The following IFT80 variants were observed in gnomAD, a reference collection of about 807,000 sequenced individuals.
IFT80 encodes intraflagellar transport 80.
In IFT80, 79 loss-of-function variants were observed where a neutral mutation model predicts 107.9. That is an observed-to-expected ratio of 0.73 (90% CI 0.61 to 0.88). The LOEUF (loss-of-function observed/expected upper bound fraction) is 0.88, where lower values mean the gene tolerates loss of function less well. IFT80 is among the 40% of genes least tolerant of loss of function. IFT80 has a pLI of 0.00. For synonymous variants in IFT80, 299 were observed against 300.9 expected (o/e 0.99, Z 0.07); for missense variants, 797 against 914.2 (o/e 0.87, Z 1.65).
At chr3:160,262,076 T>C (rs1712889186) in intron 19 of IFT80, among the ~76,000 whole-genome samples, 1 of 152,108 alleles carries the variant, frequency 6.6e-6, no homozygotes, top group Non-Finnish European at 1.5e-5. Context: ...AGAAATATAA[T>C]TTCTCCTCAA....
At chr3:160,279,111 A>G (rs1330698976) in intron 16 of IFT80, 82 bp downstream of exon 16, 6 of 1,126,630 alleles carry the variant, frequency 5.3e-6, no homozygotes, top group Non-Finnish European at 6.6e-6. Context: ...CCAGCCTTTA[A>G]GCCTATTATC....
chr3:160,316,596 C>T (rs1717840035), intron 9 of IFT80, among the ~76,000 whole-genome samples: 1 of 152,112 alleles, frequency 6.6e-6, no homozygotes, highest in Non-Finnish European at 1.5e-5. Flanking sequence ...TTTGTCTGCC[C>T]AGAATCAACT....
At chr3:160,289,631 A>T (rs1162439391) in intron 12 of IFT80, among the ~76,000 whole-genome samples, 1 of 152,234 alleles carries the variant, frequency 6.6e-6, no homozygotes, top group Non-Finnish European at 1.5e-5. Context: ...TAGTGCCCCA[A>T]CATTTAAGAG....
intron 12 of IFT80, chr3:160,299,271 A>T: frequency 8.6e-7 from 1 of 1,164,478 alleles, no homozygotes. Context: ...CTCTCAGAGA[A>T]GGCCTAAATG....
chr3:160,350,812 T>C (rs916992688), intron 8 of IFT80, among the ~76,000 whole-genome samples: 6 of 151,124 alleles, frequency 4.0e-5, no homozygotes, highest in African/African-American at 1.5e-4. Context: ...AGGCTCCGTT[T>C]CAAAAAAAAA....
intron 1 of IFT80, among the ~76,000 whole-genome samples, chr3:160,394,944 C>T (rs1713665518): frequency 6.6e-6 from 1 of 152,112 alleles, no homozygotes. Flanking sequence ...ATGCAAGACA[C>T]TTAATAATGG....
At chr3:160,274,907 G>A (rs1714126236) in intron 18 of IFT80, among the ~76,000 whole-genome samples, 2 of 152,184 alleles carry the variant, frequency 1.3e-5, no homozygotes, top group South Asian at 2.1e-4. Context: ...ATGACAGAGC[G>A]AGACTCCGTC....
At chr3:160,349,844 T>C (rs1720550899) in intron 8 of IFT80, among the ~76,000 whole-genome samples, 2 of 152,158 alleles carry the variant, frequency 1.3e-5, no homozygotes, top group Non-Finnish European at 2.9e-5. Context: ...TGGGTCAACT[T>C]ACTCTAAGCT....
intron 8 of IFT80, among the ~76,000 whole-genome samples, chr3:160,338,737 T>C (rs1288404984): frequency 1.3e-5 from 2 of 152,152 alleles, no homozygotes; most frequent in African/African-American, 4.8e-5. Flanking sequence ...ATCTGGACCT[T>C]ACTGACCACT....
Position 160,355,630 on chromosome 3 carries a change from T to C in IFT80, c.777+383A>G, listed in dbSNP as rs548594463. 1.3e-4 allele frequency among the ~76,000 whole-genome samples: 19 copies of C among 151,942 alleles called. No individual in the cohort carries two copies. The Middle Eastern group carries it at 0.01, about 82-fold the overall frequency. On this transcript the variant is annotated intron_variant, in intron 8 of 19. Coordinates refer to ENST00000326448, the MANE Select transcript of IFT80 (RefSeq NM_020800.3). ...CAAAATATGCAATCGAGATTTCGTA[T>C]GAAACATATTGACAGCAAAAAAAAA... is the stretch of plus-strand genomic sequence containing the variant.
At position 160,357,497 on chromosome 3, in the gene IFT80, TAC is replaced by T. The variant is rs1307708371; in HGVS notation, c.629_630del (p.Cys210Ter). ...ATCTAAACATTATATACCTTATATT[TAC>T]AGTCTTCACCAGCAGATAAAATAAG... Reference protein sequence around the residue: ...NDLILSAGEDCKYKVWDSYGR... With the variant: ...NDLILSAGEDXKYKVWDSYGR... On this transcript the variant is annotated frameshift_variant, in exon 7 of 20. Transcript: ENST00000326448. LOFTEE classifies it high-confidence loss of function. 2.0e-6 allele frequency: 3 copies of T among 1,514,304 alleles called. No individual in the cohort carries two copies. The highest frequency in any genetic ancestry group is 2.8e-6 in the Non-Finnish European group (3 of 1,090,304). The allele number at this position is 1,514,304 out of a possible 1,614,324, so 93.8% of individuals were successfully genotyped here.
At position 160,280,852 on chromosome 3, in the gene IFT80, A is replaced by C. The variant is rs774299281; in HGVS notation, c.1517-38T>G. The C allele has an allele frequency of 4.5e-6, 7 of 1,552,922 alleles. No individual in the cohort carries two copies. The African/African-American group carries it at 9.5e-5, about 21-fold the overall frequency. On this transcript the variant is annotated intron_variant, in intron 14 of 19. Coordinates refer to ENST00000326448, the MANE Select transcript of IFT80 (RefSeq NM_020800.3). The stretch of plus-strand genomic sequence containing the variant: ...AGAATGTTAATGTGCTATTAGCTTT[A>C]ATATGTAAGAATTAAAAATAGATCT...
At chr3:160,267,125 G>T (rs559841440) in intron 19 of IFT80, among the ~76,000 whole-genome samples, 3 of 152,292 alleles carry the variant, frequency 2.0e-5, no homozygotes, top group African/African-American at 7.2e-5. Context: ...GGATCCAGAT[G>T]TCGAAGTTGC....
At chr3:160,287,460 C>A (rs1053547845) in intron 12 of IFT80, among the ~76,000 whole-genome samples, 6 of 151,986 alleles carry the variant, frequency 3.9e-5, no homozygotes, top group African/African-American at 9.7e-5. Flanking sequence ...TTGCAGTATA[C>A]CCAGTGGAGG....
At chr3:160,273,971 A>G (rs1315574903) in intron 18 of IFT80, among the ~76,000 whole-genome samples, 1 of 152,178 alleles carries the variant, frequency 6.6e-6, no homozygotes, top group East Asian at 1.9e-4. Context: ...CTCTTTCCTC[A>G]TTACATCTTC....
chr3:160,328,353 T>G (rs1269512154), intron 8 of IFT80, among the ~76,000 whole-genome samples: 1 of 150,194 alleles, frequency 6.7e-6, no homozygotes, highest in Non-Finnish European at 1.5e-5. Flanking sequence ...TCCCAGCTAC[T>G]TGGGAGGCTG....
At chr3:160,272,585 A>T (rs1713899039) in intron 18 of IFT80, among the ~76,000 whole-genome samples, 1 of 152,120 alleles carries the variant, frequency 6.6e-6, no homozygotes, top group South Asian at 2.1e-4. Context: ...CTCTTCTTAA[A>T]GCACACCCTT....
chr3:160,333,140 A>C (rs906369879), intron 8 of IFT80, among the ~76,000 whole-genome samples: 1 of 152,196 alleles, frequency 6.6e-6, no homozygotes, highest in Non-Finnish European at 1.5e-5. Context: ...AAACACAAAA[A>C]AGGTATAATA....
chr3:160,365,560 A>G (rs190385504), intron 6 of IFT80, among the ~76,000 whole-genome samples: 1 of 152,194 alleles, frequency 6.6e-6, no homozygotes, highest in Admixed American at 6.6e-5. Flanking sequence ...ACAGATAATA[A>G]CAGGTACTGT....
Sources: allele counts gnomAD v4.1 joint callset (sites outside exome capture counted in the v4.1 genomes callset), GRCh38; gene constraint gnomAD v4.1.1; transcripts MANE v1.5; gene names NCBI Gene and HGNC (gene_info 2026-07-23, HGNC 2026-07-21).